The following COBLL1 variants were observed in gnomAD, a reference collection of about 807,000 sequenced individuals.
COBLL1 encodes the protein cordon-bleu protein-like 1.
COBLL1 carries 50 observed loss-of-function variants against 94.8 expected under a neutral mutation model. The observed-to-expected ratio is 0.53, with a 90% CI of 0.42 to 0.67. The LOEUF (loss-of-function observed/expected upper bound fraction) is 0.67, where lower values mean the gene tolerates loss of function less well. Among genes scored for constraint, COBLL1 ranks in the 30% least tolerant of loss-of-function variants. The pLI, the probability that COBLL1 is intolerant of heterozygous loss-of-function variation, is 0.00. For missense variants in COBLL1, 1,362 were observed against 1,348.7 expected (o/e 1.01, Z -0.15); for synonymous variants, 448 against 473.8 (o/e 0.95, Z 0.71).
intron 2 of COBLL1, among the ~76,000 whole-genome samples, chr2:164,659,740 A>G (rs962260837): frequency 6.6e-6 from 1 of 152,200 alleles, no homozygotes; most frequent in Admixed American, 6.6e-5. Context: ...AGGAGTGAGT[A>G]GCAGAAATCT....
chr2:164,746,866 C>T (rs1261667798), intron 2 of COBLL1, among the ~76,000 whole-genome samples: 1 of 152,144 alleles, frequency 6.6e-6, no homozygotes, highest in Non-Finnish European at 1.5e-5. Flanking sequence ...AGAGTCTGCT[C>T]CTGACCTTAA....
chr2:164,756,030 G>A lies in COBLL1; in HGVS notation c.42-12155C>T, dbSNP rs76023037. On this transcript the variant is annotated intron_variant, in intron 2 of 13. Transcript: ENST00000652658. The stretch of plus-strand genomic sequence containing the variant: ...CATACAAATGTGTGAGTATACATAC[G>A]TGCGTATAGTGTGTATATGGCAGCA... Among the ~76,000 whole-genome samples the A allele has an allele frequency of 9.6e-3, 1,456 of 151,226 alleles. 24 individuals carry two copies. Among genetic ancestry groups the A allele is most frequent in the African/African-American group, 0.034 (1,384 of 41,306 alleles).
intron 2 of COBLL1, among the ~76,000 whole-genome samples, chr2:164,813,749 T>C (rs1684574450): frequency 6.6e-6 from 1 of 152,146 alleles, no homozygotes; most frequent in African/African-American, 2.4e-5. Flanking sequence ...AAGAAAACTG[T>C]TTGTAGTCAA....
Position 164,694,817 on chromosome 2 carries a change from T to G in COBLL1, c.2575A>C (p.Asn859His), listed in dbSNP as rs141706142. 95 of 1,613,914 alleles carry G rather than the reference T, an allele frequency of 5.9e-5. No individual in the cohort carries two copies. The African/African-American group carries it at 1.2e-3, about 20-fold the overall frequency. ...LESKFKSRAS[N>H]AQAKPSSFFL... ...AAAGAGCTGGGTTTGGCCTGGGCATTTGAAGCCCGAGATTTAAATTTTGAT... is the reference window on the plus strand; with the variant it reads ...AAAGAGCTGGGTTTGGCCTGGGCATGTGAAGCCCGAGATTTAAATTTTGAT... The change falls in exon 12 of 14, where the codon AAT becomes CAT. Residue 859 changes from asparagine to histidine, a missense_variant. Coordinates refer to ENST00000652658, the MANE Select transcript of COBLL1 (RefSeq NM_001365672.2).
chr2:164,728,290 C>A, intron 4 of COBLL1, 93 bp from the exon 5 acceptor site: 1 of 741,854 alleles, frequency 1.3e-6, no homozygotes, highest in Non-Finnish European at 2.3e-6. Flanking sequence ...CCTACAGTTA[C>A]ATATTCAAAC....
At chr2:164,721,691 T>C (rs546295984) in intron 7 of COBLL1, 73 of 154,162 alleles carry the variant, frequency 4.7e-4, no homozygotes, top group Non-Finnish European at 9.4e-4. Flanking sequence ...TCAAAGACTG[T>C]GTTACTGTAT....
At chr2:164,689,148 AT>A (rs1683460156) in intron 13 of COBLL1, among the ~76,000 whole-genome samples, 1 of 152,114 alleles carries the variant, frequency 6.6e-6, no homozygotes, top group African/African-American at 2.4e-5. Context: ...TATGCAAAAA[AT>A]CCCTTCTGAA....
intron 2 of COBLL1, among the ~76,000 whole-genome samples, chr2:164,665,393 T>C (rs78306603): frequency 0.019 from 2,789 of 148,786 alleles, 46 homozygotes; most frequent in Middle Eastern, 0.029. Flanking sequence ...AAAGGGAGCC[T>C]GAAATTCATG....
At chr2:164,802,337 A>G (rs1384972281) in intron 2 of COBLL1, among the ~76,000 whole-genome samples, 1 of 152,264 alleles carries the variant, frequency 6.6e-6, no homozygotes. Flanking sequence ...TTTAAACAGA[A>G]AAGTCCACAG....
intron 2 of COBLL1, among the ~76,000 whole-genome samples, chr2:164,792,425 A>C (rs1249799177): frequency 6.6e-6 from 1 of 151,764 alleles, no homozygotes; most frequent in African/African-American, 2.4e-5. Context: ...ACTCCACTGG[A>C]CCCCCTTGGC....
Position 164,841,441 on chromosome 2 carries a change from C to T in COBLL1, c.-50-195G>A. 8.7e-7 allele frequency: 1 copy of T among 1,151,590 alleles called. No individual in the cohort carries two copies. Among genetic ancestry groups the T allele is most frequent in the Non-Finnish European group, 1.1e-6 (1 of 937,178 alleles). The allele number at this position is 1,151,590 out of a possible 1,614,324, so 71.3% of individuals were successfully genotyped here. ...CCGTCTCTACAAGGTCTAGCGGGCG[C>T]CCAGAGCACGGCGGAGGAGGCGGTG... On this transcript the variant is annotated intron_variant, in intron 1 of 13. Transcript: ENST00000652658. The surrounding 1 kb of genome is among the most constrained non-coding windows in gnomAD (Gnocchi z 5.5).
intron 2 of COBLL1, among the ~76,000 whole-genome samples, chr2:164,752,543 C>T (rs954798002): frequency 9.2e-5 from 14 of 152,154 alleles, no homozygotes; most frequent in African/African-American, 3.1e-4. Flanking sequence ...TCTTATGAGG[C>T]AGTTACCACT....
At chr2:164,818,618 C>A (rs9678389) in intron 2 of COBLL1, among the ~76,000 whole-genome samples, 29,914 of 140,166 alleles carry the variant, frequency 0.21, 3,658 homozygotes, top group African/African-American at 0.29. Context: ...TACATATGTA[C>A]ACATATATGG....
In COBLL1 at chr2:164,822,725, GATTAT is replaced by G. The variant is rs777003150; in HGVS notation, c.41+18426_41+18430del. On this transcript the variant is annotated intron_variant, in intron 2 of 13. Coordinates refer to ENST00000652658, the MANE Select transcript of COBLL1 (RefSeq NM_001365672.2). ...CACAGTCATGTAAGCTCTCTGAAAA[GATTAT>G]ATTATATTATTATTATTATTATTAT... Among the ~76,000 whole-genome samples the G allele has an allele frequency of 3.4e-3, 479 of 139,474 alleles. 2 individuals carry two copies. Among genetic ancestry groups the G allele is most frequent in the Admixed American group, 5.2e-3 (70 of 13,556 alleles). 91.5% of individuals were successfully genotyped at this position (139,474 alleles called of 152,430 possible).
chr2:164,826,889 T>C (rs1685454107), intron 2 of COBLL1, among the ~76,000 whole-genome samples: 1 of 80,702 alleles, frequency 1.2e-5, no homozygotes, highest in Non-Finnish European at 2.2e-5. Flanking sequence ...TTTTTTGTCT[T>C]TGTTTCGTTT....
intron 2 of COBLL1, among the ~76,000 whole-genome samples, chr2:164,805,329 C>CTATATATATATATATA (rs1412509415): frequency 4.4e-5 from 1 of 22,668 alleles, no homozygotes; most frequent in Non-Finnish European, 8.3e-5. Context: ...CTCTCTCTCT[C>CTATATATATATATATA]TCTCTCTCTA....
chr2:164,746,813 C>T (rs1159812411), intron 2 of COBLL1, among the ~76,000 whole-genome samples: 2 of 152,102 alleles, frequency 1.3e-5, no homozygotes, highest in African/African-American at 4.8e-5. Flanking sequence ...TCTCAGGACT[C>T]TTGCCTTTTC....
chr2:164,673,187 A>G (rs988603483), intron 1 of COBLL1, among the ~76,000 whole-genome samples: 1 of 152,214 alleles, frequency 6.6e-6, no homozygotes, highest in South Asian at 2.1e-4. Context: ...TCTTGTTAAA[A>G]TCTATTAAAA....
chr2:164,658,249 C>A (rs867925535), intron 2 of COBLL1, among the ~76,000 whole-genome samples: 35 of 152,198 alleles, frequency 2.3e-4, no homozygotes, highest in African/African-American at 5.8e-4. Flanking sequence ...GTCTCTCAGT[C>A]CCCCCTCTCA....
Sources: gnomAD v4.1 joint callset for allele counts (sites outside exome capture counted in the v4.1 genomes callset) on GRCh38, gnomAD v4.1.1 for gene constraint, Gnocchi (gnomAD v3.1) non-coding constraint, MANE v1.5 for transcripts, NCBI Gene and HGNC (gene_info 2026-07-23, HGNC 2026-07-21) for gene names.